RASGRF1: variants seen among roughly 807,000 people sequenced by gnomAD.
The protein encoded by RASGRF1 is Ras protein specific guanine nucleotide releasing factor 1.
In RASGRF1, 40 loss-of-function variants were observed where a neutral mutation model predicts 138.7. The observed-to-expected ratio is 0.29, with a 90% confidence interval of 0.22 to 0.38. The LOEUF is 0.38. Ranked by LOEUF, RASGRF1 falls within the 10% of genes least tolerant of loss-of-function variation. The pLI, the probability that RASGRF1 is intolerant of heterozygous loss-of-function variation, is 1.00. For missense variants in RASGRF1, 1,108 were observed against 1,650.4 expected (o/e 0.67, Z 5.69); for synonymous variants, 614 against 663.2 (o/e 0.93, Z 1.14).
At position 78,990,927 on chromosome 15, in the gene RASGRF1, G is replaced by A. The variant is rs79557074; in HGVS notation, c.3132-654C>T. On this transcript the variant is annotated intron_variant, in intron 21 of 26. Coordinates refer to ENST00000558480, the MANE Select transcript of RASGRF1 (RefSeq NM_001145648.3). ...GTGCCGACCCTCTCTATTTACACGAGGCAGCACCCATGCTGGGGAGGGCTG... is the reference window on the plus strand; with the variant it reads ...GTGCCGACCCTCTCTATTTACACGAAGCAGCACCCATGCTGGGGAGGGCTG... Among the ~76,000 whole-genome samples, 435 of 152,300 alleles carry A rather than the reference G, an allele frequency of 2.9e-3. 4 individuals are homozygous for A. The highest frequency in any genetic ancestry group is 1.0e-2 in the African/African-American group (414 of 41,566).
chr15:78,964,936 G>T (rs3759858), intron 26 of RASGRF1, among the ~76,000 whole-genome samples: 1 of 151,672 alleles, frequency 6.6e-6, no homozygotes, highest in East Asian at 2.0e-4. Context: ...CAGGCTGGTT[G>T]AGAACTCCTG....
intron 5 of RASGRF1, among the ~76,000 whole-genome samples, chr15:79,035,872 G>A (rs2057213995): frequency 1.3e-5 from 2 of 152,216 alleles, no homozygotes; most frequent in South Asian, 2.1e-4. Flanking sequence ...GACCGCCCCC[G>A]CTGTTTGGAA....
chr15:79,049,505 T>G lies in RASGRF1; in HGVS notation c.615A>C (p.Lys205Asn). 1 of 1,613,906 alleles carries G rather than the reference T, an allele frequency of 6.2e-7. No individual in the cohort carries two copies. Among genetic ancestry groups the G allele is most frequent in the Non-Finnish European group, 8.5e-7 (1 of 1,179,952 alleles). The change falls in exon 4 of 27, where the codon AAA becomes AAC. Residue 205 changes from lysine (K) to asparagine (N), a missense_variant. Lys to Asn is a moderately conservative substitution (Grantham distance 94). Transcript: ENST00000558480. The stretch of plus-strand genomic sequence containing the variant: ...GAGGGATAGCACTGACCTTCTTAAT[T>G]TTCTTGATGTCGCTGTCTTCATCGT... ...APNDEDSDIK[K>N]IKKVQSFLRG...
At chr15:78,962,641 G>C (rs1380932152) in intron 26 of RASGRF1, among the ~76,000 whole-genome samples, 2 of 152,164 alleles carry the variant, frequency 1.3e-5, no homozygotes, top group East Asian at 3.9e-4. Flanking sequence ...CCAGCACTTT[G>C]GGAGGCTGAG....
chr15:79,044,800 T>C (rs1323846759), intron 5 of RASGRF1, among the ~76,000 whole-genome samples: 3 of 152,216 alleles, frequency 2.0e-5, no homozygotes, highest in South Asian at 2.1e-4. Context: ...GTATCTGACC[T>C]GATCCATTCA....
intron 22 of RASGRF1, chr15:78,985,429 A>G (rs1447953094): frequency 4.3e-6 from 2 of 470,058 alleles, no homozygotes; most frequent in East Asian, 3.5e-5. Flanking sequence ...AAATACAACA[A>G]AAATACAACC....
At chr15:79,060,901 T>C (rs2057595313) in intron 2 of RASGRF1, among the ~76,000 whole-genome samples, 1 of 149,684 alleles carries the variant, frequency 6.7e-6, no homozygotes, top group African/African-American at 2.6e-5. Context: ...CTTCTTCTCC[T>C]GTCACCGGCT....
In RASGRF1 at chr15:79,024,248, C is replaced by T. The variant is rs566395294; in HGVS notation, c.1542+1066G>A. On this transcript the variant is annotated intron_variant, in intron 10 of 26. Coordinates refer to ENST00000558480, the MANE Select transcript of RASGRF1 (RefSeq NM_001145648.3). ...CACAGACACATACCACACACATATC[C>T]ACCACACCTGTACACAGAAAGACAA... is the stretch of plus-strand genomic sequence containing the variant. Among the ~76,000 whole-genome samples, 7 of 151,960 alleles carry T rather than the reference C, an allele frequency of 4.6e-5. No individual in the cohort carries two copies. In the South Asian group the frequency reaches 6.2e-4, roughly 14 times the overall value.
intron 23 of RASGRF1, 39 bp from the exon 24 acceptor site, chr15:78,980,738 C>CGTGT: frequency 3.5e-6 from 5 of 1,442,708 alleles, no homozygotes; most frequent in Non-Finnish European, 4.8e-6. Flanking sequence ...ACACAGCACA[C>CGTGT]GCTGTGATCC....
chr15:79,061,478 G>A (rs912234910), intron 2 of RASGRF1, among the ~76,000 whole-genome samples: 8 of 143,984 alleles, frequency 5.6e-5, no homozygotes, highest in Non-Finnish European at 9.0e-5. Flanking sequence ...TGTAGAAAGC[G>A]TAGGTCTTAA....
Position 79,058,752 on chromosome 15 carries a change from GATAA to G in RASGRF1, c.384-275_384-272del, listed in dbSNP as rs567273094. Among the ~76,000 whole-genome samples the G allele has an allele frequency of 2.9e-4, 44 of 152,350 alleles. 1 individual carries two copies. The East Asian group carries it at 8.1e-3, about 28-fold the overall frequency. On this transcript the variant is annotated intron_variant, in intron 2 of 26. Transcript: ENST00000558480. ...GTTCTTGTTCCCACCCACTTTTAAA[GATAA>G]ATAACAGGGCTAGAAGAGAGAATCC...
At chr15:79,055,912 G>A (rs2057504259) in intron 3 of RASGRF1, among the ~76,000 whole-genome samples, 4 of 152,102 alleles carry the variant, frequency 2.6e-5, no homozygotes, top group Admixed American at 2.6e-4. Context: ...TGTGTGCCAG[G>A]CCAAAAGAAG....
At chr15:78,975,558 C>T (rs1398073206) in intron 24 of RASGRF1, among the ~76,000 whole-genome samples, 2 of 149,532 alleles carry the variant, frequency 1.3e-5, no homozygotes, top group Non-Finnish European at 3.0e-5. Context: ...GTTACCTAGA[C>T]TGGAGTGCAG....
intron 13 of RASGRF1, among the ~76,000 whole-genome samples, chr15:79,014,972 A>C (rs1195247338): frequency 1.3e-5 from 2 of 151,800 alleles, no homozygotes; most frequent in African/African-American, 4.8e-5. Flanking sequence ...AAAACAAAAC[A>C]AAAAAAGGCT....
chr15:79,003,000 G>A (rs1442374450), intron 15 of RASGRF1, among the ~76,000 whole-genome samples: 1 of 152,068 alleles, frequency 6.6e-6, no homozygotes, highest in Non-Finnish European at 1.5e-5. Flanking sequence ...CCAAGATGTG[G>A]CCTGTTCGGA....
rs757071986 is a variant in RASGRF1 at position 78,973,026 on chromosome 15, C to T, written c.3612+277G>A. On this transcript the variant is annotated intron_variant, in intron 25 of 26. Transcript: ENST00000558480. The surrounding 1 kb of genome is among the most constrained non-coding windows in gnomAD (Gnocchi z 4.9). ...CTTGACCTCACTCAGCCTCAGTCTG[C>T]TCATCTGAAAGGTGCAGAATAAGAA... Among the ~76,000 whole-genome samples the T allele has an allele frequency of 7.2e-5, 11 of 152,280 alleles. No homozygotes were observed. Among genetic ancestry groups the T allele is most frequent in the South Asian group, 4.1e-4 (2 of 4,826 alleles).
intron 13 of RASGRF1, among the ~76,000 whole-genome samples, chr15:79,007,551 T>G (rs1171357248): frequency 2.0e-5 from 3 of 149,524 alleles, no homozygotes; most frequent in Non-Finnish European, 4.5e-5. Context: ...TCTAGTTTTT[T>G]TTTTTTTTTT....
Position 78,971,849 on chromosome 15 carries a change from GA to G in RASGRF1, c.3681+16del. ...ACTGTGAAAGCATGCAAGTGACCAGGAAAAGGCACAGCTTACCTTTGCTTGG... is the reference window on the plus strand; with the variant it reads ...ACTGTGAAAGCATGCAAGTGACCAGGAAAGGCACAGCTTACCTTTGCTTGG... On this transcript the variant is annotated intron_variant, in intron 26 of 26. Transcript: ENST00000558480. The G allele has an allele frequency of 1.3e-6, 2 of 1,558,448 alleles. No individual in the cohort carries two copies. Among genetic ancestry groups the G allele is most frequent in the Non-Finnish European group, 1.8e-6 (2 of 1,129,420 alleles).
intron 23 of RASGRF1, among the ~76,000 whole-genome samples, chr15:78,983,652 T>C (rs891227078): frequency 1.3e-5 from 2 of 152,232 alleles, no homozygotes; most frequent in East Asian, 3.8e-4. Context: ...GCAAGGGCCC[T>C]GCCTGAACCT....
Sources: gnomAD v4.1 joint callset for allele counts (sites outside exome capture counted in the v4.1 genomes callset) on GRCh38, gnomAD v4.1.1 for gene constraint, Gnocchi (gnomAD v3.1) non-coding constraint, MANE v1.5 for transcripts, NCBI Gene and HGNC (gene_info 2026-07-23, HGNC 2026-07-21) for gene names.